Variants in PTPRU observed in about 807,000 individuals in gnomAD.
The protein encoded by PTPRU is receptor-type tyrosine-protein phosphatase U.
PTPRU carries 69 observed loss-of-function variants against 166.3 expected under a neutral mutation model. The ratio of observed to expected loss-of-function variants is 0.41; its 90% CI spans 0.34 to 0.51. PTPRU has a LOEUF of 0.51. PTPRU is among the 20% of genes least tolerant of loss of function. The probability of loss-of-function intolerance (pLI) is 0.09; values close to 1 mark genes in which losing one functional copy is unlikely to be tolerated. For missense variants in PTPRU, 1,657 were observed against 2,013.7 expected (o/e 0.82, Z 3.39); for synonymous variants, 793 against 814.0 (o/e 0.97, Z 0.44).
rs1212427445 is a variant in PTPRU at position 29,311,672 on chromosome 1, C to T, written c.2985C>T (p.Asp995=). Reference sequence around the variant, plus strand: ...AATGCTCACGGTACTGGCCGGAGGACTCAGACACCTACGGGGACATCAAGA... The same window carrying T: ...AATGCTCACGGTACTGGCCGGAGGATTCAGACACCTACGGGGACATCAAGA... ...RVKCSRYWPE[D]SDTYGDIKIM... The change falls in exon 21 of 30, where the codon GAC becomes GAT. Residue 995 remains aspartate (D), a synonymous_variant. Coordinates refer to ENST00000373779, the MANE Select transcript of PTPRU (RefSeq NM_133178.4). This position sits in a 1 kb window ranked among gnomAD's most constrained non-coding sequence, Gnocchi z 4.1. 2 of 1,614,218 alleles carry T rather than the reference C, an allele frequency of 1.2e-6. No homozygotes were observed. Among genetic ancestry groups the T allele is most frequent in the South Asian group, 2.2e-5 (2 of 91,086 alleles).
In PTPRU at chr1:29,280,233, C is replaced by CTTTTCCTCCCTCAG. The variant is rs1553122513; in HGVS notation, c.1868+94_1868+107dup. 1.6e-6 allele frequency: 2 copies of CTTTTCCTCCCTCAG among 1,245,760 alleles called. No homozygotes were observed. The highest frequency in any genetic ancestry group is 4.3e-5 in the Admixed American group (2 of 46,536). 77.2% of individuals were successfully genotyped at this position (1,245,760 alleles called of 1,614,324 possible). ...GAGCCCCATCCCAGGCCAGCTCACC[C>CTTTTCCTCCCTCAG]TTTTCCTCCCTCAGTCTCCCACGCA... is the stretch of plus-strand genomic sequence containing the variant. On this transcript the variant is annotated intron_variant, in intron 11 of 29. Coordinates refer to ENST00000373779, the MANE Select transcript of PTPRU (RefSeq NM_133178.4). This position sits in a 1 kb window ranked among gnomAD's most constrained non-coding sequence, Gnocchi z 4.2.
intron 26 of PTPRU, among the ~76,000 whole-genome samples, chr1:29,321,582 G>A (rs191512134): frequency 1.1e-4 from 16 of 152,274 alleles, no homozygotes; most frequent in African/African-American, 3.8e-4. Flanking sequence ...CATCATGGGG[G>A]CCTCCGAGGT....
At chr1:29,272,906 C>CAAAAAAAAAAAAAAAAAAAAAAAAAAAA (rs57076551) in intron 7 of PTPRU, among the ~76,000 whole-genome samples, 2 of 54,664 alleles carry the variant, frequency 3.7e-5, no homozygotes, top group Non-Finnish European at 7.6e-5. Context: ...GACCTTGTCT[C>CAAAAAAAAAAAAAAAAAAAAAAAAAAAA]AAAAAAAAAA....
In PTPRU at chr1:29,260,043, G is replaced by C. The variant is rs1684977569; in HGVS notation, c.849G>C (p.Lys283Asn). 1 of 1,435,406 alleles carries C rather than the reference G, an allele frequency of 7.0e-7. No individual in the cohort carries two copies. The allele number at this position is 1,435,406 out of a possible 1,614,324, so 88.9% of individuals were successfully genotyped here. ...GVSNFAELIV[K>N]EPPTPIAPPQ... Reference sequence around the variant, plus strand: ...CTAACTTCGCGGAGCTCATCGTCAAGGGTCAGCTGGTGGACGCCGGGGAGC... The same window carrying C: ...CTAACTTCGCGGAGCTCATCGTCAACGGTCAGCTGGTGGACGCCGGGGAGC... Residue 283 changes from lysine to asparagine, a missense_variant and splice_region_variant, in exon 6 of 30, where the codon AAG becomes AAC. Physicochemically the swap from Lys to Asn is moderately conservative, Grantham distance 94. Transcript: ENST00000373779. The surrounding 1 kb of genome is among the most constrained non-coding windows in gnomAD (Gnocchi z 8.3).
chr1:29,265,471 T>A, intron 7 of PTPRU, among the ~76,000 whole-genome samples: 1 of 152,132 alleles, frequency 6.6e-6, no homozygotes, highest in East Asian at 1.9e-4. Context: ...CAAGCAATTC[T>A]TGTGCCTCAG....
intron 7 of PTPRU, among the ~76,000 whole-genome samples, chr1:29,273,089 A>G (rs1335003962): frequency 6.6e-6 from 1 of 152,074 alleles, no homozygotes; most frequent in Non-Finnish European, 1.5e-5. Context: ...TCATGGAATC[A>G]GAGTGTAAGA....
intron 1 of PTPRU, among the ~76,000 whole-genome samples, chr1:29,248,835 A>G (rs1052499991): frequency 1.3e-5 from 2 of 152,080 alleles, no homozygotes; most frequent in African/African-American, 4.8e-5. Flanking sequence ...ATGCACGTCT[A>G]TACACCCACG....
At chr1:29,312,117 G>A (rs963629212) in intron 21 of PTPRU, among the ~76,000 whole-genome samples, 9 of 152,238 alleles carry the variant, frequency 5.9e-5, no homozygotes, top group African/African-American at 2.2e-4. Flanking sequence ...GGCAGGAGAG[G>A]CCACATAGTC....
intron 7 of PTPRU, among the ~76,000 whole-genome samples, chr1:29,268,007 G>A (rs1280540733): frequency 6.6e-6 from 1 of 152,214 alleles, no homozygotes; most frequent in Non-Finnish European, 1.5e-5. Flanking sequence ...AAGGGAAATA[G>A]AAGTCAAGGA....
At chr1:29,288,037 A>G (rs1574667889) in intron 14 of PTPRU, among the ~76,000 whole-genome samples, 1 of 151,898 alleles carries the variant, frequency 6.6e-6, no homozygotes, top group South Asian at 2.1e-4. Context: ...CTGGTCTCAA[A>G]CTCCCGACCT....
At chr1:29,302,546 A>G (rs1687185245) in intron 15 of PTPRU, among the ~76,000 whole-genome samples, 1 of 151,816 alleles carries the variant, frequency 6.6e-6, no homozygotes, top group Non-Finnish European at 1.5e-5. Context: ...ATCATTTATT[A>G]TGATTTTTTT....
chr1:29,298,488 C>T (rs1419948182), intron 15 of PTPRU, among the ~76,000 whole-genome samples: 1 of 152,150 alleles, frequency 6.6e-6, no homozygotes. Flanking sequence ...AAGGACTTAT[C>T]ACTGTGGGTA....
At position 29,259,931 on chromosome 1, in the gene PTPRU, T is replaced by C; in HGVS notation, c.737T>C (p.Leu246Pro). The C allele has an allele frequency of 6.5e-7, 1 of 1,535,226 alleles. No homozygotes were observed. The highest frequency in any genetic ancestry group is 8.7e-7 in the Non-Finnish European group (1 of 1,146,990). Residue 246 changes from leucine to proline, a missense_variant, in exon 6 of 30, where the codon CTG (leucine) becomes CCG (proline). By Grantham distance (98) the Leu-to-Pro change is moderately conservative. Coordinates refer to ENST00000373779, the MANE Select transcript of PTPRU (RefSeq NM_133178.4). ...GVRHISHRRF[L>P]ATFPLAAVSR... is the part of the protein sequence containing the mutation. Reference sequence around the variant, plus strand: ...CGGCACATCAGCCACCGGCGCTTCCTGGCCACTTTCCCGCTGGCTGCCGTG... The same window carrying C: ...CGGCACATCAGCCACCGGCGCTTCCCGGCCACTTTCCCGCTGGCTGCCGTG...
intron 15 of PTPRU, among the ~76,000 whole-genome samples, chr1:29,303,529 G>C (rs1181895929): frequency 6.6e-6 from 1 of 151,910 alleles, no homozygotes; most frequent in Non-Finnish European, 1.5e-5. Context: ...TGGGCTCTGC[G>C]GAGTGCTGCC....
In PTPRU at chr1:29,260,827, C is replaced by T. The variant is rs1464407458; in HGVS notation, c.1068C>T (p.Ser356=). The T allele has an allele frequency of 6.2e-7, 1 of 1,611,470 alleles. No homozygotes were observed. Among genetic ancestry groups the T allele is most frequent in the East Asian group, 2.2e-5 (1 of 44,696 alleles). Residue 356 remains serine, a synonymous_variant, in exon 7 of 30, where the codon AGC becomes AGT. Transcript: ENST00000373779. This position sits in a 1 kb window ranked among gnomAD's most constrained non-coding sequence, Gnocchi z 8.3. ...HLDPDTEYEI[S]VLLTRPGDGG... The stretch of plus-strand genomic sequence containing the variant: ...ACCCCGACACAGAGTATGAGATCAG[C>T]GTGCTGCTCACGCGTCCCGGAGACG...
rs892917015 is a variant in PTPRU, at chr1:29,260,145, G to C, written c.850+101G>C. 3 of 1,209,120 alleles carry C rather than the reference G, an allele frequency of 2.5e-6. No individual in the cohort carries two copies. Among genetic ancestry groups the C allele is most frequent in the Middle Eastern group, 3.0e-4 (1 of 3,338 alleles). The allele number at this position is 1,209,120 out of a possible 1,614,324, so 74.9% of individuals were successfully genotyped here. On this transcript the variant is annotated intron_variant, in intron 6 of 29. Coordinates refer to ENST00000373779, the MANE Select transcript of PTPRU (RefSeq NM_133178.4). This position sits in a 1 kb window ranked among gnomAD's most constrained non-coding sequence, Gnocchi z 8.3. ...CCGGGGGCGTGGCCGTGGGGGGTGG[G>C]GCCGGCAGGGTGTCGCTGGGGCGCT...
Position 29,323,687 on chromosome 1 carries a change from C to T in PTPRU, c.4011C>T (p.Tyr1337=). Residue 1337 remains tyrosine (Y), a synonymous_variant, in exon 28 of 30, where the codon TAC becomes TAT. Coordinates refer to ENST00000373779, the MANE Select transcript of PTPRU (RefSeq NM_133178.4). ...RHFQFLRWSA[Y]RDTPDSKKAF... is the part of the protein sequence containing the mutation. ...TCCAGTTCCTGCGCTGGTCTGCATA[C>T]CGGGACACACCTGACTCCAAGAAGG... 6.2e-7 allele frequency: 1 copy of T among 1,614,168 alleles called. No individual in the cohort carries two copies. Among genetic ancestry groups the T allele is most frequent in the Non-Finnish European group, 8.5e-7 (1 of 1,180,010 alleles).
At chr1:29,239,136 C>G (rs907065780) in intron 1 of PTPRU, among the ~76,000 whole-genome samples, 4 of 152,164 alleles carry the variant, frequency 2.6e-5, no homozygotes, top group African/African-American at 9.7e-5. Flanking sequence ...AATCACCTCA[C>G]TTGTAAAGTT....
chr1:29,295,566 T>G (rs1260551437), intron 15 of PTPRU, among the ~76,000 whole-genome samples: 1 of 152,238 alleles, frequency 6.6e-6, no homozygotes, highest in Non-Finnish European at 1.5e-5. Flanking sequence ...TTTAGATAGA[T>G]GTCCCTAGGT....
Sources: gnomAD v4.1 joint callset for allele counts (sites outside exome capture counted in the v4.1 genomes callset) on GRCh38, gnomAD v4.1.1 for gene constraint, Gnocchi (gnomAD v3.1) non-coding constraint, MANE v1.5 for transcripts, NCBI Gene and HGNC (gene_info 2026-07-23, HGNC 2026-07-21) for gene names.